SV2B: variants seen among roughly 807,000 people sequenced by gnomAD.
SV2B encodes the protein solute carrier family 22 member B2.
In SV2B, 41 loss-of-function variants were observed where a neutral mutation model predicts 73.9. The ratio of observed to expected loss-of-function variants is 0.56; its 90% CI spans 0.43 to 0.72. The LOEUF is 0.72. Ranked by LOEUF, SV2B falls within the 30% of genes least tolerant of loss-of-function variation. The probability of loss-of-function intolerance (pLI) is 0.00; values close to 1 mark genes in which losing one functional copy is unlikely to be tolerated. For synonymous variants in SV2B, 314 were observed against 314.2 expected, an observed-to-expected ratio of 1.00 and a Z score of 0.01; for missense variants, 764 against 857.8, an observed-to-expected ratio of 0.89 and a Z score of 1.37.
chr15:91,167,837 T>C (rs2043968905), intron 1 of SV2B, among the ~76,000 whole-genome samples: 1 of 152,258 alleles, frequency 6.6e-6, no homozygotes, highest in Non-Finnish European at 1.5e-5. Flanking sequence ...TAAGTTCTGT[T>C]AAAATCCTAT....
At chr15:91,251,401 A>G (rs2047475327) in intron 2 of SV2B, among the ~76,000 whole-genome samples, 1 of 152,242 alleles carries the variant, frequency 6.6e-6, no homozygotes, top group African/African-American at 2.4e-5. Flanking sequence ...TTTCACTTCT[A>G]CCGTGTTCTT....
chr15:91,100,614 C>T lies in SV2B; in HGVS notation c.-392+251C>T, dbSNP rs149821566. Among the ~76,000 whole-genome samples the T allele has an allele frequency of 3.9e-5, 6 of 152,370 alleles. No homozygotes were observed. The highest frequency in any genetic ancestry group is 1.4e-4 in the African/African-American group (6 of 41,586). ...CCTCCCCAAGGGCTGTTTTAAAACC[C>T]TGTTTGAACTATTAGCGCCATAAGT... is the stretch of plus-strand genomic sequence containing the variant. On this transcript the variant is annotated intron_variant, in intron 1 of 12. Transcript: ENST00000394232. The surrounding 1 kb of genome is among the most constrained non-coding windows in gnomAD (Gnocchi z 6.4).
chr15:91,188,922 G>A (rs937778622), intron 1 of SV2B, among the ~76,000 whole-genome samples: 3 of 152,048 alleles, frequency 2.0e-5, no homozygotes, highest in African/African-American at 7.2e-5. Flanking sequence ...CGCCTCCCAG[G>A]TTCAGGTGAT....
intron 1 of SV2B, among the ~76,000 whole-genome samples, chr15:91,161,486 T>C (rs1457809554): frequency 6.6e-6 from 1 of 152,210 alleles, no homozygotes; most frequent in Non-Finnish European, 1.5e-5. Flanking sequence ...AATGTAACAA[T>C]GCAAGTGATA....
chr15:91,269,949 A>C (rs2048238481), intron 9 of SV2B, among the ~76,000 whole-genome samples: 1 of 151,926 alleles, frequency 6.6e-6, no homozygotes, highest in Admixed American at 6.6e-5. Context: ...CAGAGTGACC[A>C]CTCTAGGGAT....
At chr15:91,120,296 G>A (rs944248833) in intron 1 of SV2B, among the ~76,000 whole-genome samples, 1 of 152,200 alleles carries the variant, frequency 6.6e-6, no homozygotes, top group Non-Finnish European at 1.5e-5. Context: ...GCAGGAGAGA[G>A]AGAGTGAGGG....
chr15:91,181,002 T>C (rs1255459277), intron 1 of SV2B, among the ~76,000 whole-genome samples: 5 of 152,162 alleles, frequency 3.3e-5, no homozygotes. Flanking sequence ...TTCTGCTCTG[T>C]TTTTTCCCCA....
intron 1 of SV2B, among the ~76,000 whole-genome samples, chr15:91,218,826 T>A (rs778830726): frequency 2.0e-5 from 3 of 152,340 alleles, no homozygotes; most frequent in Middle Eastern, 6.8e-3. Context: ...GACCACCAGA[T>A]GTGCTCAGCT....
Position 91,258,623 on chromosome 15 carries a change from C to T in SV2B, c.918+69C>T. On this transcript the variant is annotated intron_variant, in intron 5 of 12. Transcript: ENST00000394232. The surrounding 1 kb of genome is among the most constrained non-coding windows in gnomAD (Gnocchi z 4.7). ...CACAGGAACCCAGCCTCGCTTCCTTCTCTCAGCTCCTAGTCCCACATCCTC... is the reference window on the plus strand; with the variant it reads ...CACAGGAACCCAGCCTCGCTTCCTTTTCTCAGCTCCTAGTCCCACATCCTC... 6.2e-7 allele frequency: 1 copy of T among 1,601,542 alleles called. No individual in the cohort carries two copies.
intron 2 of SV2B, 45 bp from the exon 3 acceptor site, chr15:91,251,774 T>G (rs2141611275): frequency 1.1e-5 from 17 of 1,575,496 alleles, no homozygotes; most frequent in Non-Finnish European, 1.5e-5. Context: ...GTCTTAATCT[T>G]TTGTCTTTTC....
rs2048961939 is a variant in SV2B, at chr15:91,289,263, C to T, written c.1709-258C>T. On this transcript the variant is annotated intron_variant, in intron 11 of 12. Coordinates refer to ENST00000394232, the MANE Select transcript of SV2B (RefSeq NM_001323032.3). This position sits in a 1 kb window ranked among gnomAD's most constrained non-coding sequence, Gnocchi z 4.9. ...CCGTCCCGTCACTCTGAGCTGGGCA[C>T]CACCTTAGAGTGGTGACTTCAGAAT... Among the ~76,000 whole-genome samples, 1 of 152,208 alleles carries T rather than the reference C, an allele frequency of 6.6e-6. No individual in the cohort carries two copies. Among genetic ancestry groups the T allele is most frequent in the Admixed American group, 6.5e-5 (1 of 15,284 alleles).
rs1216356921 is a variant in SV2B at position 91,121,416 on chromosome 15, C to G, written c.-392+21053C>G. 6.6e-6 allele frequency among the ~76,000 whole-genome samples: 1 copy of G among 152,092 alleles called. No individual in the cohort carries two copies. On this transcript the variant is annotated intron_variant, in intron 1 of 12. Transcript: ENST00000394232. The surrounding 1 kb of genome is among the most constrained non-coding windows in gnomAD (Gnocchi z 4.4). ...AATGATCCTAATGTGCAGCCAAGAC[C>G]CAGTGACAGAGCAAACCTTCAATTA...
At position 91,289,808 on chromosome 15, in the gene SV2B, CT is replaced by C; in HGVS notation, c.1868+132del. On this transcript the variant is annotated intron_variant, in intron 12 of 12. Coordinates refer to ENST00000394232, the MANE Select transcript of SV2B (RefSeq NM_001323032.3). This position sits in a 1 kb window ranked among gnomAD's most constrained non-coding sequence, Gnocchi z 4.9. ...TTCTGCTGTTCCGTGAAACAAACATCTTTTATGTTGAGCTTCTCCTGCATGG... is the reference window on the plus strand; with the variant it reads ...TTCTGCTGTTCCGTGAAACAAACATCTTTATGTTGAGCTTCTCCTGCATGG... The C allele has an allele frequency of 9.1e-7, 1 of 1,102,120 alleles. No individual in the cohort carries two copies. Among genetic ancestry groups the C allele is most frequent in the Non-Finnish European group, 1.3e-6 (1 of 786,572 alleles). 68.3% of individuals were successfully genotyped at this position (1,102,120 alleles called of 1,614,324 possible).
chr15:91,212,683 G>A (rs564631257), intron 1 of SV2B, among the ~76,000 whole-genome samples: 1 of 152,258 alleles, frequency 6.6e-6, no homozygotes, highest in South Asian at 2.1e-4. Flanking sequence ...GCTGGCCACG[G>A]TGGCTCACTC....
At chr15:91,119,501 C>T (rs1322604782) in intron 1 of SV2B, among the ~76,000 whole-genome samples, 1 of 152,216 alleles carries the variant, frequency 6.6e-6, no homozygotes, top group African/African-American at 2.4e-5. Flanking sequence ...TTGGAAATTA[C>T]CCAAATCTAT....
rs2049430809 is a variant in SV2B at position 91,301,113 on chromosome 15, G to A, written c.*8561G>A. On this transcript the variant is annotated 3_prime_UTR_variant, in exon 13 of 13. Transcript: ENST00000394232. This position sits in a 1 kb window ranked among gnomAD's most constrained non-coding sequence, Gnocchi z 4.3. ...AGCGGAGGACACGGCCACAAGCTGT[G>A]AGTCATGAAAAGGAGGGTGCAGGTG... The A allele has an allele frequency of 6.6e-6, 1 of 152,276 alleles. No individual in the cohort carries two copies. Among genetic ancestry groups the A allele is most frequent in the Non-Finnish European group, 1.5e-5 (1 of 68,114 alleles). 9.4% of individuals were successfully genotyped at this position (152,276 alleles called of 1,614,324 possible).
At chr15:91,169,279 G>T (rs1037294368) in intron 1 of SV2B, among the ~76,000 whole-genome samples, 2 of 152,058 alleles carry the variant, frequency 1.3e-5, no homozygotes, top group African/African-American at 4.8e-5. Context: ...CCAGGCTTAG[G>T]CTTGTGCAAT....
chr15:91,117,290 C>T (rs75228189), intron 1 of SV2B, among the ~76,000 whole-genome samples: 1,660 of 152,256 alleles, frequency 0.011, 21 homozygotes, highest in African/African-American at 0.024. Context: ...ATAATATTAA[C>T]GAGAATTCTA....
intron 1 of SV2B, among the ~76,000 whole-genome samples, chr15:91,127,022 T>C (rs1003330698): frequency 5.3e-5 from 8 of 152,246 alleles, no homozygotes; most frequent in Admixed American, 2.0e-4. Context: ...GAACTTGGAC[T>C]CAAATGATAG....
Sources: gnomAD v4.1 joint callset for allele counts (sites outside exome capture counted in the v4.1 genomes callset) on GRCh38, gnomAD v4.1.1 for gene constraint, Gnocchi (gnomAD v3.1) non-coding constraint, MANE v1.5 for transcripts, NCBI Gene and HGNC (gene_info 2026-07-23, HGNC 2026-07-21) for gene names.